EXOC4: variants seen among roughly 807,000 people sequenced by gnomAD.
The protein encoded by EXOC4 is exocyst complex component 4, also known as SEC8-like 1.
Under a neutral mutation model 107.2 loss-of-function variants are expected in EXOC4, and 71 were observed. The ratio of observed to expected loss-of-function variants is 0.66; its 90% CI spans 0.55 to 0.81. The LOEUF (loss-of-function observed/expected upper bound fraction) is 0.81, where lower values mean the gene tolerates loss of function less well. Among genes scored for constraint, EXOC4 ranks in the 30% least tolerant of loss-of-function variants. EXOC4 has a pLI of 0.00. For missense variants in EXOC4, 1,108 were observed against 1,189.6 expected, an observed-to-expected ratio of 0.93 and a Z score of 1.01; for synonymous variants, 456 against 441.2, an observed-to-expected ratio of 1.03 and a Z score of -0.42.
chr7:134,043,860 G>A (rs1041825107), intron 17 of EXOC4, among the ~76,000 whole-genome samples: 1 of 152,144 alleles, frequency 6.6e-6, no homozygotes, highest in African/African-American at 2.4e-5. Context: ...ACAGGCTGAG[G>A]CTTACTTGAT....
At chr7:133,571,679 C>G (rs77512911) in intron 9 of EXOC4, among the ~76,000 whole-genome samples, 1 of 112,208 alleles carries the variant, frequency 8.9e-6, no homozygotes, top group Non-Finnish European at 1.9e-5. Flanking sequence ...TGCCTCAAAG[C>G]AAAAAAAAAA....
chr7:133,271,201 A>T (rs1793862236), intron 1 of EXOC4, among the ~76,000 whole-genome samples: 1 of 152,096 alleles, frequency 6.6e-6, no homozygotes, highest in African/African-American at 2.4e-5. Flanking sequence ...TACAGGTATG[A>T]ACCACTGCGC....
chr7:133,677,684 A>G (rs762171889), intron 10 of EXOC4, among the ~76,000 whole-genome samples: 2 of 152,226 alleles, frequency 1.3e-5, no homozygotes, highest in Non-Finnish European at 2.9e-5. Context: ...TAATAGCTAC[A>G]AAGATAAGTA....
intron 10 of EXOC4, among the ~76,000 whole-genome samples, chr7:133,729,517 G>A (rs548582131): frequency 6.6e-6 from 1 of 152,206 alleles, no homozygotes; most frequent in East Asian, 1.9e-4. Context: ...ACCAGAAAGA[G>A]TCAGCACTGT....
chr7:133,638,637 G>A (rs755672756), intron 10 of EXOC4, among the ~76,000 whole-genome samples: 4 of 151,968 alleles, frequency 2.6e-5, no homozygotes, highest in Non-Finnish European at 5.9e-5. Flanking sequence ...CTCTGCTTTT[G>A]TTTTTGTATT....
chr7:133,871,923 G>A (rs1430901305), intron 11 of EXOC4, among the ~76,000 whole-genome samples: 1 of 152,170 alleles, frequency 6.6e-6, no homozygotes, highest in Non-Finnish European at 1.5e-5. Flanking sequence ...TAAGCAATAT[G>A]TACATATTTA....
At chr7:133,620,081 G>A (rs889721483) in intron 9 of EXOC4, among the ~76,000 whole-genome samples, 1 of 151,724 alleles carries the variant, frequency 6.6e-6, no homozygotes, top group South Asian at 2.1e-4. Context: ...GGAGTGCAGC[G>A]GCCTAATCTT....
At chr7:133,255,825 A>T (rs1015847013) in intron 1 of EXOC4, among the ~76,000 whole-genome samples, 4 of 152,086 alleles carry the variant, frequency 2.6e-5, no homozygotes, top group African/African-American at 9.7e-5. Context: ...GGTGTTTGGG[A>T]TGGGGAATGG....
intron 7 of EXOC4, among the ~76,000 whole-genome samples, chr7:133,404,091 T>C (rs1017684494): frequency 1.3e-5 from 2 of 152,024 alleles, no homozygotes; most frequent in Non-Finnish European, 2.9e-5. Flanking sequence ...GACAAATCCC[T>C]CCTTAACTTT....
intron 7 of EXOC4, among the ~76,000 whole-genome samples, chr7:133,389,112 A>C (rs1265883349): frequency 1.3e-5 from 2 of 152,192 alleles, no homozygotes; most frequent in African/African-American, 2.4e-5. Context: ...AGTGTGCAAA[A>C]TGAATTGGTA....
chr7:133,690,968 C>T (rs1452175175), intron 10 of EXOC4, among the ~76,000 whole-genome samples: 4 of 152,154 alleles, frequency 2.6e-5, no homozygotes, highest in East Asian at 1.9e-4. Flanking sequence ...TTCTGTGGTC[C>T]GGAAGTACGG....
At chr7:133,317,674 C>CAA (rs1795022102) in intron 5 of EXOC4, among the ~76,000 whole-genome samples, 2 of 151,918 alleles carry the variant, frequency 1.3e-5, no homozygotes, top group Non-Finnish European at 2.9e-5. Context: ...CACTGTTTTT[C>CAA]TTTCTTTCTT....
chr7:133,755,284 ATATACATAT>A (rs1795887766), intron 10 of EXOC4, among the ~76,000 whole-genome samples: 2 of 103,264 alleles, frequency 1.9e-5, no homozygotes, highest in Admixed American at 1.0e-4. Context: ...TATATATATT[ATATACATAT>A]TATATATATT....
chr7:133,855,094 T>TATGTATATAA (rs1554409755), intron 11 of EXOC4, among the ~76,000 whole-genome samples: 2 of 84,428 alleles, frequency 2.4e-5, no homozygotes, highest in Non-Finnish European at 4.3e-5. Flanking sequence ...TATATATAAA[T>TATGTATATAA]ATATATATAA....
At chr7:133,405,899 A>G (rs1003794424) in intron 7 of EXOC4, among the ~76,000 whole-genome samples, 2 of 152,148 alleles carry the variant, frequency 1.3e-5, no homozygotes, top group Admixed American at 6.5e-5. Flanking sequence ...GAAACTGTGG[A>G]TAAGGGGGGA....
chr7:133,767,865 C>G (rs2151159216), intron 10 of EXOC4, among the ~76,000 whole-genome samples: 1 of 152,042 alleles, frequency 6.6e-6, no homozygotes, highest in Admixed American at 6.6e-5. Flanking sequence ...ATAGTCCTTC[C>G]CGTGAAGGAG....
intron 9 of EXOC4, among the ~76,000 whole-genome samples, chr7:133,598,189 G>A (rs1801726980): frequency 1.3e-5 from 2 of 152,104 alleles, no homozygotes; most frequent in South Asian, 4.1e-4. Context: ...TACAAGGGAG[G>A]GCCAGAAGTG....
chr7:133,789,320 C>T (rs1434770978), intron 10 of EXOC4, among the ~76,000 whole-genome samples: 2 of 152,224 alleles, frequency 1.3e-5, no homozygotes, highest in Non-Finnish European at 2.9e-5. Flanking sequence ...TACAGCCACA[C>T]AGAAGCTCTC....
chr7:133,676,036 G>C (rs755862741), intron 10 of EXOC4, among the ~76,000 whole-genome samples: 4 of 152,012 alleles, frequency 2.6e-5, no homozygotes, highest in Admixed American at 2.6e-4. Context: ...GTTTTGAAGA[G>C]GAACATGAGA....
Sources: gnomAD v4.1 joint callset for allele counts (sites outside exome capture counted in the v4.1 genomes callset) on GRCh38, gnomAD v4.1.1 for gene constraint, MANE v1.5 for transcripts, NCBI Gene and HGNC (gene_info 2026-07-23, HGNC 2026-07-21) for gene names.